The following WDPCP variants were observed in gnomAD, a reference collection of about 807,000 sequenced individuals.
WDPCP encodes WD repeat-containing and planar cell polarity effector protein fritz homolog.
WDPCP carries 71 observed loss-of-function variants against 93.1 expected under a neutral mutation model. The ratio of observed to expected loss-of-function variants is 0.76; its 90% CI spans 0.63 to 0.93. The LOEUF is 0.93. WDPCP is among the 40% of genes least tolerant of loss of function. The pLI is 0.00. For missense variants in WDPCP, 844 were observed against 887.4 expected (o/e 0.95, Z 0.62); for synonymous variants, 315 against 315.0 (o/e 1.00, Z 0.00).
intron 2 of WDPCP, among the ~76,000 whole-genome samples, chr2:63,674,363 G>C (rs1163818610): frequency 6.6e-6 from 1 of 152,142 alleles, no homozygotes; most frequent in African/African-American, 2.4e-5. Context: ...TGAAAAAGGA[G>C]CAAGGGTCAA....
intron 2 of WDPCP, among the ~76,000 whole-genome samples, chr2:63,652,168 G>A (rs1710117183): frequency 6.6e-6 from 1 of 152,222 alleles, no homozygotes; most frequent in South Asian, 2.1e-4. Context: ...GAAGGCTTCT[G>A]TGAAGCTCTA....
At chr2:63,745,981 T>G (rs1669791531) in intron 2 of WDPCP, among the ~76,000 whole-genome samples, 1 of 152,228 alleles carries the variant, frequency 6.6e-6, no homozygotes, top group Non-Finnish European at 1.5e-5. Flanking sequence ...ATTTGCATTT[T>G]CTTAATCACT....
chr2:63,661,712 C>T (rs540653135), intron 2 of WDPCP, among the ~76,000 whole-genome samples: 89 of 152,210 alleles, frequency 5.8e-4, no homozygotes, highest in African/African-American at 1.7e-3. Context: ...AAGTTATCTA[C>T]GAAACAAACA....
At chr2:63,141,385 C>G (rs1559148955) in intron 17 of WDPCP, among the ~76,000 whole-genome samples, 1 of 152,136 alleles carries the variant, frequency 6.6e-6, no homozygotes, top group South Asian at 2.1e-4. Context: ...CTGATTTTTA[C>G]TTTTAATTCT....
At chr2:63,300,732 A>T (rs1419816641) in intron 13 of WDPCP, among the ~76,000 whole-genome samples, 6 of 152,252 alleles carry the variant, frequency 3.9e-5, no homozygotes, top group African/African-American at 1.4e-4. Context: ...GCTCAAGGGA[A>T]GATGTCTTTG....
At chr2:63,141,224 G>A (rs184796761) in intron 17 of WDPCP, among the ~76,000 whole-genome samples, 7 of 152,022 alleles carry the variant, frequency 4.6e-5, no homozygotes, top group South Asian at 2.1e-4. Context: ...GATTACAGGC[G>A]TGCGCCACCA....
At chr2:63,240,689 A>G (rs1192238847) in intron 14 of WDPCP, among the ~76,000 whole-genome samples, 5 of 152,178 alleles carry the variant, frequency 3.3e-5, no homozygotes, top group African/African-American at 4.8e-5. Context: ...TTATTTTCTT[A>G]TAGAAAATGT....
intron 2 of WDPCP, among the ~76,000 whole-genome samples, chr2:63,754,220 G>A (rs557138625): frequency 6.7e-4 from 102 of 152,288 alleles, no homozygotes; most frequent in African/African-American, 2.3e-3. Context: ...ATCAGTTGAT[G>A]GCAATTCTCT....
intron 1 of WDPCP, among the ~76,000 whole-genome samples, chr2:63,554,690 T>C (rs1375007232): frequency 6.6e-6 from 1 of 152,050 alleles, no homozygotes; most frequent in Non-Finnish European, 1.5e-5. Flanking sequence ...TGTGGGCAGA[T>C]ATTATGAAAT....
At chr2:63,411,811 C>A (rs1029439909) in intron 9 of WDPCP, among the ~76,000 whole-genome samples, 2 of 151,998 alleles carry the variant, frequency 1.3e-5, no homozygotes, top group Non-Finnish European at 2.9e-5. Flanking sequence ...AAAATACAAC[C>A]CTTCTAGCTT....
At chr2:63,400,078 A>G (rs111478843) in intron 10 of WDPCP, among the ~76,000 whole-genome samples, 1 of 136,506 alleles carries the variant, frequency 7.3e-6, no homozygotes, top group Non-Finnish European at 1.6e-5. Flanking sequence ...GTATTTACCT[A>G]TGTTTTCAAA....
intron 13 of WDPCP, among the ~76,000 whole-genome samples, chr2:63,281,854 G>T (rs1683579700): frequency 6.6e-6 from 1 of 152,040 alleles, no homozygotes; most frequent in South Asian, 2.1e-4. Context: ...AATGATAAAA[G>T]ACTTCAAATT....
intron 6 of WDPCP, among the ~76,000 whole-genome samples, chr2:63,470,077 C>T (rs1194488732): frequency 6.6e-6 from 1 of 152,148 alleles, no homozygotes; most frequent in Non-Finnish European, 1.5e-5. Context: ...CTAGCTACTC[C>T]ATTCTGTCTC....
At chr2:63,692,025 G>C (rs574345470) in intron 2 of WDPCP, among the ~76,000 whole-genome samples, 60 of 151,916 alleles carry the variant, frequency 3.9e-4, no homozygotes, top group Non-Finnish European at 7.6e-4. Context: ...ATTTTCTCCA[G>C]TATACTATTA....
At chr2:63,461,611 TAAAA>T in intron 6 of WDPCP, among the ~76,000 whole-genome samples, 1 of 152,134 alleles carries the variant, frequency 6.6e-6, no homozygotes, top group Non-Finnish European at 1.5e-5. Flanking sequence ...CCAATGAGAT[TAAAA>T]AAGAGTGCAG....
At chr2:63,343,826 T>C (rs1689013033) in intron 12 of WDPCP, among the ~76,000 whole-genome samples, 2 of 152,198 alleles carry the variant, frequency 1.3e-5, no homozygotes, top group Non-Finnish European at 2.9e-5. Flanking sequence ...ATCATTTTGG[T>C]TCTTATATTT....
At chr2:63,810,615 G>C (rs1452468973) in intron 2 of WDPCP, among the ~76,000 whole-genome samples, 1 of 152,168 alleles carries the variant, frequency 6.6e-6, no homozygotes, top group African/African-American at 2.4e-5. Flanking sequence ...TATAGTACAA[G>C]GTGGGGGTAA....
intron 2 of WDPCP, among the ~76,000 whole-genome samples, chr2:63,664,680 G>T (rs1710264192): frequency 6.6e-6 from 1 of 152,136 alleles, no homozygotes; most frequent in Non-Finnish European, 1.5e-5. Context: ...TATAACAAAT[G>T]TCCACTACCA....
intron 1 of WDPCP, among the ~76,000 whole-genome samples, chr2:63,560,084 G>C (rs543416810): frequency 6.6e-6 from 1 of 151,926 alleles, no homozygotes; most frequent in Non-Finnish European, 1.5e-5. Flanking sequence ...TTAGCCAGGC[G>C]TGGTGTCGCA....
Sources: gnomAD v4.1 joint callset for allele counts (sites outside exome capture counted in the v4.1 genomes callset) on GRCh38, gnomAD v4.1.1 for gene constraint, MANE v1.5 for transcripts, NCBI Gene and HGNC (gene_info 2026-07-23, HGNC 2026-07-21) for gene names.